CYBA: variants seen among roughly 807,000 people sequenced by gnomAD.
The protein encoded by CYBA is cytochrome b-245 light chain.
Under a neutral mutation model 20.8 loss-of-function variants are expected in CYBA, and 21 were observed. The observed-to-expected ratio is 1.01, with a 90% confidence interval of 0.72 to 1.46. The LOEUF (loss-of-function observed/expected upper bound fraction) is 1.46, where lower values mean the gene tolerates loss of function less well. Ranked by LOEUF, CYBA falls within the 40% of genes most tolerant of loss-of-function variation. The pLI is 0.00. For synonymous variants in CYBA, 164 were observed against 127.5 expected (o/e 1.29, Z -1.93); for missense variants, 344 against 287.0 (o/e 1.20, Z -1.43).
rs2142875185 is a variant in CYBA at position 88,646,737 on chromosome 16, T to G, written c.287+18A>C. 2 of 1,607,576 alleles carry G rather than the reference T, an allele frequency of 1.2e-6. No individual in the cohort carries two copies. Among genetic ancestry groups the G allele is most frequent in the Non-Finnish European group, 1.7e-6 (2 of 1,175,536 alleles). On this transcript the variant is annotated intron_variant, in intron 4 of 5. Transcript: ENST00000261623. ...AAGCCCTCCTGAGCCCTAGAGGGGG[T>G]GCGGGACGGGGACTCACAGGAGATG...
chr16:88,645,914 C>G (rs1907259295), intron 5 of CYBA: 1 of 601,976 alleles, frequency 1.7e-6, no homozygotes, highest in African/African-American at 1.8e-5. Flanking sequence ...AAGGAAATGA[C>G]CCGACACACT....
At position 88,643,298 on chromosome 16, in the gene CYBA, C is replaced by T. The variant is rs1282008439; in HGVS notation, c.*55G>A. On this transcript the variant is annotated 3_prime_UTR_variant, in exon 6 of 6. Transcript: ENST00000261623. This position sits in a 1 kb window ranked among gnomAD's most constrained non-coding sequence, Gnocchi z 4.3. ...GCAGAGGCTCACGCGCTCCCGGCTT[C>T]GCTGCATTTATTGCAGGTGGGTGCA... 4 of 1,329,698 alleles carry T rather than the reference C, an allele frequency of 3.0e-6. No individual in the cohort carries two copies. Among genetic ancestry groups the T allele is most frequent in the Middle Eastern group, 2.1e-4 (1 of 4,694 alleles). The allele number at this position is 1,329,698 out of a possible 1,614,324, so 82.4% of individuals were successfully genotyped here.
Position 88,643,535 on chromosome 16 carries a change from G to T in CYBA, c.406C>A (p.Pro136Thr). ...ATCTGCGGCCGCTCCCGGGGCTTGG[G>T]CTCGATGGGCGTCCACTGCTCGCCA... ...VRGEQWTPIEPKPRERPQIGG... is the reference protein window; with the variant it reads ...VRGEQWTPIETKPRERPQIGG... Residue 136 changes from proline (P) to threonine (T), a missense_variant, in exon 6 of 6, where the codon CCC becomes ACC. Coordinates refer to ENST00000261623, the MANE Select transcript of CYBA (RefSeq NM_000101.4). The surrounding 1 kb of genome is among the most constrained non-coding windows in gnomAD (Gnocchi z 4.3). 6.5e-7 allele frequency: 1 copy of T among 1,535,148 alleles called. No individual in the cohort carries two copies. Among genetic ancestry groups the T allele is most frequent in the Non-Finnish European group, 8.7e-7 (1 of 1,146,828 alleles).
chr16:88,647,275 C>T, intron 2 of CYBA, 100 bp from the exon 3 acceptor site: 1 of 1,173,112 alleles, frequency 8.5e-7, no homozygotes, highest in Non-Finnish European at 1.2e-6. Flanking sequence ...AGCACGGTGG[C>T]TCATGCCTGG....
At position 88,643,458 on chromosome 16, in the gene CYBA, GGC is replaced by G; in HGVS notation, c.481_482del (p.Ala161ArgfsTer51). 6.5e-7 allele frequency: 1 copy of G among 1,533,108 alleles called. No individual in the cohort carries two copies. The highest frequency in any genetic ancestry group is 8.7e-7 in the Non-Finnish European group (1 of 1,144,046). The allele number at this position is 1,533,108 out of a possible 1,614,324, so 95.0% of individuals were successfully genotyped here. The stretch of plus-strand genomic sequence containing the variant: ...CCTCGCTGGGCTTCTTGCGGGCCTC[GGC>G]CGGGGGCCGCGGCGGGGGGTTGCTG... ...PPSNPPPRPP[A>X]EARKKPSEEE... On this transcript the variant is annotated frameshift_variant, in exon 6 of 6. Transcript: ENST00000261623. The surrounding 1 kb of genome is among the most constrained non-coding windows in gnomAD (Gnocchi z 4.3).
intron 2 of CYBA, 97 bp from the exon 3 acceptor site, chr16:88,647,272 T>C (rs1336383795): frequency 1.3e-5 from 16 of 1,208,118 alleles, no homozygotes; most frequent in Non-Finnish European, 1.9e-5. Context: ...CCGAGCACGG[T>C]GGCTCATGCC....
In CYBA at chr16:88,650,529, A is replaced by T. The variant is rs72558352; in HGVS notation, c.58+427T>A. The T allele has an allele frequency of 1.4e-3, 658 of 477,610 alleles. 8 individuals are homozygous for T. Among genetic ancestry groups the T allele is most frequent in the African/African-American group, 0.012 (609 of 51,088 alleles). The allele number at this position is 477,610 out of a possible 1,614,324, so 29.6% of individuals were successfully genotyped here. ...TGAGCCCATTCCCCACCCCAAGCCCAGGGAGAGCGACCTCCAGGCCAGCTG... is the reference window on the plus strand; with the variant it reads ...TGAGCCCATTCCCCACCCCAAGCCCTGGGAGAGCGACCTCCAGGCCAGCTG... On this transcript the variant is annotated intron_variant, in intron 1 of 5. Transcript: ENST00000261623.
At chr16:88,650,895 G>A (rs761266168) in intron 1 of CYBA, 61 bp downstream of exon 1, 3 of 1,518,330 alleles carry the variant, frequency 2.0e-6, no homozygotes, top group Non-Finnish European at 2.7e-6. Context: ...CCGAGGTCCC[G>A]GCTGGGGTCT....
At chr16:88,646,536 G>T in intron 4 of CYBA, 1 of 700,644 alleles carries the variant, frequency 1.4e-6, no homozygotes. Context: ...CCCTGGCGAC[G>T]GATCGGAGCT....
rs914005525 is a variant in CYBA at position 88,643,408 on chromosome 16, C to T, written c.533G>A (p.Gly178Glu). Reference protein sequence around the residue: ...SEEEAAVAAGGPPGGPQVNPI... With the variant: ...SEEEAAVAAGEPPGGPQVNPI... ...GTTGACCTGGGGACCTCCCGGGGGT[C>T]CCCCCGCCGCCACCGCAGCCTCCTC... Residue 178 changes from glycine (G) to glutamate (E), a missense_variant, in exon 6 of 6, where the codon GGA (glycine) becomes GAA (glutamate). By Grantham distance (98) the Gly-to-Glu change is moderately conservative. Transcript: ENST00000261623. This position sits in a 1 kb window ranked among gnomAD's most constrained non-coding sequence, Gnocchi z 4.3. 4.6e-6 allele frequency: 7 copies of T among 1,532,344 alleles called. No homozygotes were observed. The highest frequency in any genetic ancestry group is 4.2e-5 in the African/African-American group (3 of 71,400). 94.9% of individuals were successfully genotyped at this position (1,532,344 alleles called of 1,614,324 possible). A position where few individuals can be genotyped will look rare whatever the true frequency, so the allele number is the denominator to read the frequency against.
intron 5 of CYBA, 116 bp downstream of exon 5, chr16:88,646,000 T>C: frequency 1.1e-6 from 1 of 882,498 alleles, no homozygotes; most frequent in Non-Finnish European, 1.8e-6. Flanking sequence ...TCACACTTGC[T>C]CCCAGCCTTG....
At chr16:88,650,909 G>A in intron 1 of CYBA, 47 bp downstream of exon 1, 3 of 1,550,584 alleles carry the variant, frequency 1.9e-6, no homozygotes, top group Non-Finnish European at 2.6e-6. Flanking sequence ...GGGGTCTTGG[G>A]ACACCCCTCC....
chr16:88,649,172 C>T (rs570288983), intron 1 of CYBA, among the ~76,000 whole-genome samples: 87 of 148,286 alleles, frequency 5.9e-4, no homozygotes, highest in Non-Finnish European at 9.4e-4. Flanking sequence ...CTCCTGACCT[C>T]GTGATCCGCC....
chr16:88,649,640 G>A (rs1364093648), intron 1 of CYBA, among the ~76,000 whole-genome samples: 1 of 152,240 alleles, frequency 6.6e-6, no homozygotes, highest in African/African-American at 2.4e-5. Context: ...ACAGCCATGA[G>A]GCTCTGCAGA....
chr16:88,643,480 T>A lies in CYBA; in HGVS notation c.461A>T (p.Asn154Ile), dbSNP rs779612331. The A allele has an allele frequency of 6.5e-7, 1 of 1,531,628 alleles. No homozygotes were observed. 94.9% of individuals were successfully genotyped at this position (1,531,628 alleles called of 1,614,324 possible). A position where few individuals can be genotyped will look rare whatever the true frequency, so the allele number is the denominator to read the frequency against. The change falls in exon 6 of 6, where the codon AAC becomes ATC. Residue 154 changes from asparagine (N) to isoleucine (I), a missense_variant. Transcript: ENST00000261623. This position sits in a 1 kb window ranked among gnomAD's most constrained non-coding sequence, Gnocchi z 4.3. ...IGGTIKQPPS[N>I]PPPRPPAEAR... ...CTCGGCCGGGGGCCGCGGCGGGGGG[T>A]TGCTGGGCGGCTGCTTGATGGTGCC... is the stretch of plus-strand genomic sequence containing the variant.
At chr16:88,645,683 T>C in intron 5 of CYBA, 2 of 565,230 alleles carry the variant, frequency 3.5e-6, no homozygotes, top group South Asian at 2.1e-5. Flanking sequence ...GTGTCGGCAG[T>C]TTAAGAAAAT....
At chr16:88,647,554 C>A in intron 2 of CYBA, 1 of 366,338 alleles carries the variant, frequency 2.7e-6, no homozygotes, top group Admixed American at 3.8e-5. Context: ...TCGGGGGCAG[C>A]CACTGCCTGA....
Position 88,647,086 on chromosome 16 carries a change from C to T in CYBA, c.203+15G>A. On this transcript the variant is annotated intron_variant, in intron 3 of 5. Transcript: ENST00000261623. ...CGCAGCCCCCGGAGAGACCCCAGAG[C>T]AGGAGGAGACTCACCAGCGCTCCAT... 2 of 1,607,322 alleles carry T rather than the reference C, an allele frequency of 1.2e-6. No homozygotes were observed. Among genetic ancestry groups the T allele is most frequent in the Non-Finnish European group, 1.7e-6 (2 of 1,177,418 alleles).
At chr16:88,649,519 G>T (rs962422988) in intron 1 of CYBA, among the ~76,000 whole-genome samples, 3 of 152,224 alleles carry the variant, frequency 2.0e-5, no homozygotes, top group South Asian at 2.1e-4. Flanking sequence ...CTGTGTACAG[G>T]GGGGACTCTT....
Sources: gnomAD v4.1 joint callset for allele counts (sites outside exome capture counted in the v4.1 genomes callset) on GRCh38, gnomAD v4.1.1 for gene constraint, Gnocchi (gnomAD v3.1) non-coding constraint, MANE v1.5 for transcripts, NCBI Gene and HGNC (gene_info 2026-07-23, HGNC 2026-07-21) for gene names.